AHCTF1: variants seen among roughly 807,000 people sequenced by gnomAD.
AHCTF1 encodes AT-hook containing transcription factor 1.
AHCTF1 carries 24 observed loss-of-function variants against 248.4 expected under a neutral mutation model. That is an observed-to-expected ratio of 0.10 (90% CI 0.07 to 0.14). AHCTF1 has a LOEUF of 0.14. Among genes scored for constraint, AHCTF1 ranks in the 10% least tolerant of loss-of-function variants. The pLI, the probability that AHCTF1 is intolerant of heterozygous loss-of-function variation, is 1.00. For missense variants in AHCTF1, 2,206 were observed against 2,636.2 expected (o/e 0.84, Z 3.57); for synonymous variants, 786 against 929.8 (o/e 0.85, Z 2.81).
intron 24 of AHCTF1, among the ~76,000 whole-genome samples, chr1:246,869,130 A>T (rs1320219097): frequency 6.6e-6 from 1 of 151,882 alleles, no homozygotes. Flanking sequence ...GGCGTGAGCC[A>T]CCACGCCCGG....
chr1:246,848,375 G>A (rs1046487028), intron 33 of AHCTF1, among the ~76,000 whole-genome samples: 16 of 146,254 alleles, frequency 1.1e-4, no homozygotes, highest in Middle Eastern at 3.2e-3. Context: ...CACCACGCCC[G>A]GATAATTTCT....
chr1:246,892,390 C>T (rs527489102), intron 14 of AHCTF1, among the ~76,000 whole-genome samples: 20 of 144,948 alleles, frequency 1.4e-4, no homozygotes, highest in Admixed American at 1.1e-3. Context: ...TCTCAATCTC[C>T]GCTCACTGCA....
In AHCTF1 at chr1:246,849,906, G is replaced by A; in HGVS notation, c.6100C>T (p.Pro2034Ser). 6.2e-7 allele frequency: 1 copy of A among 1,613,882 alleles called. No homozygotes were observed. Among genetic ancestry groups the A allele is most frequent in the Non-Finnish European group, 8.5e-7 (1 of 1,179,852 alleles). The change falls in exon 33 of 36, where the codon CCA (proline) becomes TCA (serine). Residue 2034 changes from proline to serine, a missense_variant. Physicochemically the swap from Pro to Ser is moderately conservative, Grantham distance 74. Around this residue, in one of 6 missense-constraint regions of AHCTF1, gnomAD observed 469 missense variants for 470.0 expected, o/e 1.00. Coordinates refer to ENST00000648844, the MANE Select transcript of AHCTF1 (RefSeq NM_001323342.2). ...ATCACCATCGAAAGTTCCTCGTTTG[G>A]CACTAAAATGGATTTTCCTAAAGCT... Reference protein sequence around the residue: ...KPALGKSILVPNEELSMVMSS... With the variant: ...KPALGKSILVSNEELSMVMSS...
chr1:246,852,315 A>G (rs1660765815), intron 32 of AHCTF1, among the ~76,000 whole-genome samples: 1 of 152,220 alleles, frequency 6.6e-6, no homozygotes, highest in South Asian at 2.1e-4. Flanking sequence ...TAACGATGAC[A>G]TTTTTATGAG....
intron 24 of AHCTF1, among the ~76,000 whole-genome samples, chr1:246,869,006 G>A (rs1224288791): frequency 2.0e-4 from 30 of 151,350 alleles, no homozygotes; most frequent in African/African-American, 2.7e-4. Context: ...CACCATGCCT[G>A]GCTAACTTTT....
chr1:246,869,941 A>G (rs1230426197), intron 24 of AHCTF1, among the ~76,000 whole-genome samples: 2 of 152,228 alleles, frequency 1.3e-5, no homozygotes, highest in Non-Finnish European at 2.9e-5. Flanking sequence ...GATCCGAACA[A>G]AGTCCTTTGA....
Position 246,907,570 on chromosome 1 carries a change from T to C in AHCTF1, c.745A>G (p.Met249Val). Residue 249 changes from methionine to valine, a missense_variant, in exon 5 of 36, where the codon ATG becomes GTG. By Grantham distance (21) the Met-to-Val change is conservative (BLOSUM62 1). This residue lies in a region of AHCTF1 where 650 missense variants were observed against 870.8 expected (regional missense o/e 0.75). Coordinates refer to ENST00000648844, the MANE Select transcript of AHCTF1 (RefSeq NM_001323342.2). ...ACTTACTCTCTTTTCATGCTTTTCATGTTCCAAAGTGCTAGATAGCCATCA... is the reference window on the plus strand; with the variant it reads ...ACTTACTCTCTTTTCATGCTTTTCACGTTCCAAAGTGCTAGATAGCCATCA... ...FSDGYLALWNMKSMKREYYIQ... is the reference protein window; with the variant it reads ...FSDGYLALWNVKSMKREYYIQ... 1 of 1,613,328 alleles carries C rather than the reference T, an allele frequency of 6.2e-7. No homozygotes were observed. The highest frequency in any genetic ancestry group is 8.5e-7 in the Non-Finnish European group (1 of 1,179,652).
intron 25 of AHCTF1, 102 bp downstream of exon 25, chr1:246,867,559 A>G: frequency 7.1e-7 from 1 of 1,411,238 alleles, no homozygotes; most frequent in Non-Finnish European, 9.7e-7. Flanking sequence ...TTTTACATAC[A>G]CTAATAAACT....
intron 21 of AHCTF1, among the ~76,000 whole-genome samples, chr1:246,885,129 C>T (rs1423508262): frequency 6.6e-6 from 1 of 152,160 alleles, no homozygotes; most frequent in Non-Finnish European, 1.5e-5. Flanking sequence ...TTTTTCTTAA[C>T]ATTGGAAGAC....
intron 19 of AHCTF1, among the ~76,000 whole-genome samples, chr1:246,887,684 C>A (rs1663923370): frequency 6.6e-6 from 1 of 152,146 alleles, no homozygotes; most frequent in Admixed American, 6.5e-5. Flanking sequence ...CAAAAGATGG[C>A]AGCTTAATCA....
intron 17 of AHCTF1, among the ~76,000 whole-genome samples, chr1:246,888,794 T>C (rs1046521068): frequency 2.0e-5 from 3 of 152,054 alleles, no homozygotes; most frequent in Non-Finnish European, 4.4e-5. Context: ...CCTGTAGTCC[T>C]AGCCACTCAG....
intron 5 of AHCTF1, among the ~76,000 whole-genome samples, chr1:246,907,111 C>G (rs1250864540): frequency 1.3e-5 from 2 of 152,180 alleles, no homozygotes; most frequent in African/African-American, 4.8e-5. Context: ...GCCTGTTGCT[C>G]TTAGTCTACT....
chr1:246,899,944 A>G (rs1664876228), intron 10 of AHCTF1, 121 bp downstream of exon 10: 2 of 944,376 alleles, frequency 2.1e-6, no homozygotes. Flanking sequence ...TAAGTTATCC[A>G]TATGTTAACT....
At chr1:246,910,030 T>C (rs1170794215) in intron 4 of AHCTF1, among the ~76,000 whole-genome samples, 2 of 152,234 alleles carry the variant, frequency 1.3e-5, no homozygotes, top group East Asian at 1.9e-4. Context: ...TGATCACTAA[T>C]TGAAACTACT....
chr1:246,927,509 G>A (rs1162330457), intron 1 of AHCTF1, among the ~76,000 whole-genome samples: 1 of 152,152 alleles, frequency 6.6e-6, no homozygotes, highest in African/African-American at 2.4e-5. Flanking sequence ...TATATTATTA[G>A]AAAGAATATC....
chr1:246,877,722 A>T (rs981455668), intron 21 of AHCTF1, among the ~76,000 whole-genome samples: 4 of 152,094 alleles, frequency 2.6e-5, no homozygotes, highest in African/African-American at 9.7e-5. Flanking sequence ...AGGGAAGAGT[A>T]GAGCTTGGTA....
Position 246,895,945 on chromosome 1 carries a change from A to G in AHCTF1, c.1624-20T>C. On this transcript the variant is annotated intron_variant, in intron 12 of 35. Transcript: ENST00000648844. ...TTCTTCCTAAACCATGCATTACAGA[A>G]AGGAAAGAAATGGAAAGAAAGAGGG... 6.3e-7 allele frequency: 1 copy of G among 1,591,798 alleles called. No homozygotes were observed. Among genetic ancestry groups the G allele is most frequent in the African/African-American group, 1.3e-5 (1 of 74,374 alleles).
At chr1:246,900,286 C>A in intron 9 of AHCTF1, 40 bp from the exon 10 acceptor site, 3 of 1,584,976 alleles carry the variant, frequency 1.9e-6, no homozygotes, top group Non-Finnish European at 2.6e-6. Context: ...CATTGGTCAG[C>A]TACACATACA....
intron 33 of AHCTF1, among the ~76,000 whole-genome samples, chr1:246,849,406 T>C (rs1660527326): frequency 1.3e-5 from 2 of 152,224 alleles, no homozygotes; most frequent in Admixed American, 1.3e-4. Flanking sequence ...TTACGTGAGT[T>C]ACAGGATTTA....
Sources: allele counts gnomAD v4.1 joint callset (sites outside exome capture counted in the v4.1 genomes callset), GRCh38; gene constraint gnomAD v4.1.1; regional missense constraint gnomAD v4.1.1; transcripts MANE v1.5; gene names NCBI Gene and HGNC (gene_info 2026-07-23, HGNC 2026-07-21).